The following RGPD3 variants were observed in gnomAD, a reference collection of about 807,000 sequenced individuals.
RGPD3 encodes RANBP2 like and GRIP domain containing 3.
RGPD3 carries 62 observed loss-of-function variants against 154.5 expected under a neutral mutation model. The observed-to-expected ratio is 0.40, with a 90% CI of 0.33 to 0.50. The LOEUF (loss-of-function observed/expected upper bound fraction) is 0.50, where lower values mean the gene tolerates loss of function less well. Ranked by LOEUF, RGPD3 falls within the 20% of genes least tolerant of loss-of-function variation. RGPD3 has a pLI of 0.59. For synonymous variants in RGPD3, 308 were observed against 607.0 expected, an observed-to-expected ratio of 0.51 and a Z score of 7.24; for missense variants, 919 against 1,716.8, an observed-to-expected ratio of 0.54 and a Z score of 8.21.
At chr2:106,468,035 A>G (rs990106758) in intron 1 of RGPD3, among the ~76,000 whole-genome samples, 182 bp downstream of exon 1, 2 of 142,904 alleles carry the variant, frequency 1.4e-5, no homozygotes, top group Non-Finnish European at 3.0e-5. Context: ...GTCGGGAGCC[A>G]TGACGCCTGA....
rs1021152569 is a variant in RGPD3 at position 106,429,304 on chromosome 2, T to C, written c.2605+342A>G. 3.3e-5 allele frequency among the ~76,000 whole-genome samples: 5 copies of C among 151,238 alleles called. 1 individual carries two copies. Among genetic ancestry groups the C allele is most frequent in the East Asian group, 2.0e-4 (1 of 5,072 alleles). ...CTCTCATCATTATCATCAAAATAAT[T>C]CCCCAGAGGTGTAGGTTCTTAATTA... On this transcript the variant is annotated intron_variant, in intron 18 of 22. Coordinates refer to ENST00000409886, the MANE Select transcript of RGPD3 (RefSeq NM_001144013.2).
intron 7 of RGPD3, among the ~76,000 whole-genome samples, chr2:106,445,217 A>T (rs1307854388): frequency 6.9e-6 from 1 of 144,012 alleles, no homozygotes; most frequent in East Asian, 2.1e-4. Context: ...TGAACCCAGG[A>T]GGCGGAGCTT....
chr2:106,411,895 A>AT (rs1676682292), intron 22 of RGPD3, among the ~76,000 whole-genome samples: 1 of 152,126 alleles, frequency 6.6e-6, no homozygotes, highest in Non-Finnish European at 1.5e-5. Flanking sequence ...TATTTAGGAT[A>AT]CTATAAAAAG....
chr2:106,415,855 T>C lies in RGPD3; in HGVS notation c.5059A>G (p.Ile1687Val), dbSNP rs769073907. 9 of 1,611,848 alleles carry C rather than the reference T, an allele frequency of 5.6e-6. No homozygotes were observed. Among genetic ancestry groups the C allele is most frequent in the South Asian group, 1.1e-5 (1 of 90,968 alleles). ...GCCAGGTTTTCTGATCTCACCTTAATTTGCTCCATAAGGACTGCATTGGTT... is the reference window on the plus strand; with the variant it reads ...GCCAGGTTTTCTGATCTCACCTTAACTTGCTCCATAAGGACTGCATTGGTT... The part of the protein sequence containing the change: ...EATNAVLMEQ[I>V]KLLKSEIRRL... The change falls in exon 21 of 23, where the codon ATT (isoleucine) becomes GTT (valine). Residue 1687 changes from isoleucine to valine, a missense_variant. Transcript: ENST00000409886.
chr2:106,445,334 T>G (rs1677881365), intron 7 of RGPD3, among the ~76,000 whole-genome samples: 1 of 151,408 alleles, frequency 6.6e-6, no homozygotes, highest in South Asian at 2.1e-4. Context: ...ATCAGTTACT[T>G]GAGAATTTCT....
intron 7 of RGPD3, among the ~76,000 whole-genome samples, chr2:106,446,880 CA>C (rs1156838512): frequency 2.7e-5 from 4 of 146,930 alleles, no homozygotes; most frequent in African/African-American, 7.6e-5. Flanking sequence ...GACTTGGTCT[CA>C]AAAAAAATAA....
rs1335456514 is a variant in RGPD3, at chr2:106,404,006, A to G, written c.*1213T>C. On this transcript the variant is annotated 3_prime_UTR_variant, in exon 23 of 23. Transcript: ENST00000409886. Reference sequence around the variant, plus strand: ...TTTAAGAACAACACAGTTTGGATCTAGTCATTAAAACATATGCAGCGGTGT... The same window carrying G: ...TTTAAGAACAACACAGTTTGGATCTGGTCATTAAAACATATGCAGCGGTGT... 6.6e-6 allele frequency among the ~76,000 whole-genome samples: 1 copy of G among 152,206 alleles called. No individual in the cohort carries two copies. Among genetic ancestry groups the G allele is most frequent in the Non-Finnish European group, 1.5e-5 (1 of 68,048 alleles).
At position 106,404,257 on chromosome 2, in the gene RGPD3, C is replaced by G. The variant is rs1175161641; in HGVS notation, c.*962G>C. Among the ~76,000 whole-genome samples, 5 of 150,132 alleles carry G rather than the reference C, an allele frequency of 3.3e-5. No homozygotes were observed. Among genetic ancestry groups the G allele is most frequent in the South Asian group, 4.2e-4 (2 of 4,784 alleles). On this transcript the variant is annotated 3_prime_UTR_variant, in exon 23 of 23. Coordinates refer to ENST00000409886, the MANE Select transcript of RGPD3 (RefSeq NM_001144013.2). ...ATGGAGAGGATTCTCAAAACAGATTCATGGCTTGCATGCAGTGACACCCTA... is the reference window on the plus strand; with the variant it reads ...ATGGAGAGGATTCTCAAAACAGATTGATGGCTTGCATGCAGTGACACCCTA...
chr2:106,450,500 T>C (rs976103560), intron 6 of RGPD3, among the ~76,000 whole-genome samples: 2 of 149,362 alleles, frequency 1.3e-5, no homozygotes, highest in East Asian at 2.0e-4. Flanking sequence ...GTGACTCCAT[T>C]CCCATGGTCA....
chr2:106,403,678 A>C lies in RGPD3; in HGVS notation c.*1541T>G, dbSNP rs1290642738. On this transcript the variant is annotated 3_prime_UTR_variant, in exon 23 of 23. Transcript: ENST00000409886. The stretch of plus-strand genomic sequence containing the variant: ...ATATTCACAGTTTATAAAGTAAAAA[A>C]ACTAAACTCTTCATGTCGGCTCTGA... Among the ~76,000 whole-genome samples the C allele has an allele frequency of 3.9e-5, 6 of 152,296 alleles. No individual in the cohort carries two copies. Among genetic ancestry groups the C allele is most frequent in the African/African-American group, 7.2e-5 (3 of 41,488 alleles).
At chr2:106,415,499 A>G (rs1676797333) in intron 21 of RGPD3, among the ~76,000 whole-genome samples, 1 of 151,780 alleles carries the variant, frequency 6.6e-6, no homozygotes, top group East Asian at 1.9e-4. Context: ...AACATGGTAA[A>G]CCCTGTCTCT....
intron 6 of RGPD3, among the ~76,000 whole-genome samples, chr2:106,450,705 CAAAAAAAAAA>C (rs768839840): frequency 0.01 from 441 of 43,240 alleles, 2 homozygotes; most frequent in Admixed American, 0.041. Context: ...GACTCTGTCT[CAAAAAAAAAA>C]AAAAAAAAAA....
In RGPD3 at chr2:106,436,423, C is replaced by G. The variant is rs1284193568; in HGVS notation, c.1625G>C (p.Arg542Thr). The G allele has an allele frequency of 8.1e-7, 1 of 1,240,770 alleles. No homozygotes were observed. Among genetic ancestry groups the G allele is most frequent in the African/African-American group, 1.5e-5 (1 of 65,830 alleles). The allele number at this position is 1,240,770 out of a possible 1,614,324, so 76.9% of individuals were successfully genotyped here. Residue 542 changes from arginine to threonine, a missense_variant, in exon 11 of 23, where the codon AGA (arginine) becomes ACA (threonine). Coordinates refer to ENST00000409886, the MANE Select transcript of RGPD3 (RefSeq NM_001144013.2). The part of the protein sequence containing the change: ...WWDAVCTLIH[R>T]KAVPGNSAKL... ...TTGTTTTACTACTTACACTGCTTTT[C>G]TGTGAATCAGAGTACAAACCGCATC...
chr2:106,470,067 A>C (rs1357910020), upstream of RGPD3, among the ~76,000 whole-genome samples: 2 of 152,206 alleles, frequency 1.3e-5, no homozygotes, highest in East Asian at 3.9e-4. Flanking sequence ...AAAAAGAATC[A>C]TAGTACTCTC....
chr2:106,464,054 T>C (rs1013861704), intron 1 of RGPD3, among the ~76,000 whole-genome samples: 32 of 152,158 alleles, frequency 2.1e-4, no homozygotes, highest in African/African-American at 7.0e-4. Flanking sequence ...GTACAGAATG[T>C]CTAAAATGGG....
At chr2:106,468,196 G>C (rs761499928) in intron 1 of RGPD3, 21 bp downstream of exon 1, 3 of 1,596,730 alleles carry the variant, frequency 1.9e-6, no homozygotes, top group East Asian at 4.5e-5. Context: ...GAGGCCGTCG[G>C]TCTCTTCCAG....
chr2:106,411,027 A>G (rs1314277962), intron 22 of RGPD3, among the ~76,000 whole-genome samples: 1 of 150,464 alleles, frequency 6.6e-6, no homozygotes, highest in Admixed American at 6.7e-5. Flanking sequence ...TTAAGCCTGA[A>G]TCTTATCAGG....
At chr2:106,422,369 TTGTTTTTTGTTTTTTG>T (rs1677020554) in intron 20 of RGPD3, among the ~76,000 whole-genome samples, 1 of 129,476 alleles carries the variant, frequency 7.7e-6, no homozygotes, top group East Asian at 2.3e-4. Flanking sequence ...ATGTTTTTTT[TTGTTTTTTGTTTTTTG>T]TTTTTTTTGG....
rs764207957 is a variant in RGPD3 at position 106,413,143 on chromosome 2, A to G, written c.5207T>C (p.Ile1736Thr). 29 of 1,611,520 alleles carry G rather than the reference A, an allele frequency of 1.8e-5. No individual in the cohort carries two copies. Among genetic ancestry groups the G allele is most frequent in the Admixed American group, 1.5e-4 (9 of 59,960 alleles). ...GSERERLLPVINTMLQLSLEE... is the reference protein window; with the variant it reads ...GSERERLLPVTNTMLQLSLEE... ...AAGGCTGAGCTGCAACATCGTATTT[A>G]TAACAGGAAGAAGTCTCTCTCTTTC... The change falls in exon 22 of 23, where the codon ATA becomes ACA. Residue 1736 changes from isoleucine (I) to threonine (T), a missense_variant. Ile to Thr is a moderately conservative substitution (Grantham distance 89). Transcript: ENST00000409886.
Sources: gnomAD v4.1 joint callset for allele counts (sites outside exome capture counted in the v4.1 genomes callset) on GRCh38, gnomAD v4.1.1 for gene constraint, MANE v1.5 for transcripts, NCBI Gene and HGNC (gene_info 2026-07-23, HGNC 2026-07-21) for gene names.